AGBL1: variants seen among roughly 807,000 people sequenced by gnomAD.
AGBL1 encodes cytosolic carboxypeptidase 4.
A neutral mutation model predicts 118.9 loss-of-function variants in AGBL1; 130 were observed. The ratio of observed to expected loss-of-function variants is 1.09; its 90% confidence interval spans 0.95 to 1.26. The LOEUF is 1.26. AGBL1 is among the 50% of genes most tolerant of loss of function. The probability of loss-of-function intolerance (pLI) is 0.00; values close to 1 mark genes in which losing one functional copy is unlikely to be tolerated. For synonymous variants in AGBL1, 555 were observed against 478.9 expected, an observed-to-expected ratio of 1.16 and a Z score of -2.08; for missense variants, 1,584 against 1,298.1, an observed-to-expected ratio of 1.22 and a Z score of -3.38.
Position 86,397,426 on chromosome 15 carries a change from G to T in AGBL1, c.2435G>T (p.Trp812Leu), listed in dbSNP as rs202058432. 889 of 1,613,082 alleles carry T rather than the reference G, an allele frequency of 5.5e-4. No homozygotes were observed. Among genetic ancestry groups the T allele is most frequent in the Non-Finnish European group, 7.0e-4 (831 of 1,179,366 alleles). ...CATCCAGGAGAGAGCAATGCCAGTT[G>T]GGTGATGAAGGGTACCTTGGAGTTC... ...RVHPGESNAS[W>L]VMKGTLEFLV... is the part of the protein sequence containing the mutation. Residue 812 changes from tryptophan to leucine, a missense_variant, in exon 18 of 23, where the codon TGG becomes TTG. Trp to Leu is a moderately conservative substitution (Grantham distance 61). Transcript: ENST00000614907.
intron 18 of AGBL1, among the ~76,000 whole-genome samples, chr15:86,489,694 G>A (rs889367607): frequency 2.6e-5 from 4 of 152,070 alleles, no homozygotes; most frequent in African/African-American, 4.8e-5. Flanking sequence ...TGACAATAGC[G>A]GAGCTAACTA....
At chr15:86,551,310 T>C (rs1371744633) in intron 20 of AGBL1, among the ~76,000 whole-genome samples, 1 of 152,144 alleles carries the variant, frequency 6.6e-6, no homozygotes, top group African/African-American at 2.4e-5. Flanking sequence ...CATAATTTGA[T>C]TTCTTAAAAC....
At chr15:86,768,382 G>A (rs1274604872) in intron 22 of AGBL1, among the ~76,000 whole-genome samples, 2 of 151,896 alleles carry the variant, frequency 1.3e-5, no homozygotes, top group Non-Finnish European at 2.9e-5. Flanking sequence ...TAGCCCGCAA[G>A]CATGATCCAC....
intron 23 of AGBL1, among the ~76,000 whole-genome samples, chr15:86,926,998 G>T (rs1293164932): frequency 2.0e-5 from 3 of 152,020 alleles, no homozygotes; most frequent in Non-Finnish European, 4.4e-5. Flanking sequence ...CATTAGCCTG[G>T]TGTGGTGGTG....
chr15:86,427,823 TCTC>T (rs1202412728), intron 18 of AGBL1, among the ~76,000 whole-genome samples: 1 of 152,194 alleles, frequency 6.6e-6, no homozygotes, highest in African/African-American at 2.4e-5. Flanking sequence ...AGCTGTGTCT[TCTC>T]CAGGAATTAA....
At chr15:86,251,980 C>G (rs2078823784) in intron 7 of AGBL1, among the ~76,000 whole-genome samples, 1 of 152,182 alleles carries the variant, frequency 6.6e-6, no homozygotes, top group African/African-American at 2.4e-5. Flanking sequence ...TGAAAGGTTG[C>G]TAAAATTGGT....
rs2081387781 is a variant in AGBL1 at position 86,397,596 on chromosome 15, G to A, written c.2555+50G>A. The stretch of plus-strand genomic sequence containing the variant: ...AAACCCACAATTATGCTACCACAGT[G>A]ACACTGTCATTTCACCAAGTAGGCG... On this transcript the variant is annotated intron_variant, in intron 18 of 22. Coordinates refer to ENST00000614907, the MANE Select transcript of AGBL1 (RefSeq NM_001386094.1). The A allele has an allele frequency of 4.6e-6, 7 of 1,518,056 alleles. No individual in the cohort carries two copies. The East Asian group carries it at 1.1e-4, about 25-fold the overall frequency. The allele number at this position is 1,518,056 out of a possible 1,614,324, so 94.0% of individuals were successfully genotyped here.
chr15:86,193,074 G>A (rs1443311102), intron 5 of AGBL1, among the ~76,000 whole-genome samples: 2 of 151,978 alleles, frequency 1.3e-5, no homozygotes, highest in Non-Finnish European at 2.9e-5. Context: ...AGAAATGATA[G>A]CACCTTAATT....
At chr15:86,570,980 G>A (rs897570186) in intron 21 of AGBL1, among the ~76,000 whole-genome samples, 5 of 152,216 alleles carry the variant, frequency 3.3e-5, no homozygotes, top group African/African-American at 9.6e-5. Flanking sequence ...GCAGTTTGTG[G>A]TCTGGCCGTT....
chr15:86,851,308 C>G (rs1029275656), intron 22 of AGBL1, among the ~76,000 whole-genome samples: 4 of 152,114 alleles, frequency 2.6e-5, no homozygotes, highest in Non-Finnish European at 5.9e-5. Context: ...GGAACTGATT[C>G]TAGCTCAAAA....
intron 22 of AGBL1, among the ~76,000 whole-genome samples, chr15:86,687,354 T>G (rs887183386): frequency 7.2e-5 from 11 of 152,046 alleles, no homozygotes; most frequent in African/African-American, 2.7e-4. Flanking sequence ...GAAGAAGGTG[T>G]CTGGCTGAGG....
Position 86,770,539 on chromosome 15 carries a change from A to C in AGBL1, c.3158+96103A>C, listed in dbSNP as rs549321672. Among the ~76,000 whole-genome samples, 114 of 152,128 alleles carry C rather than the reference A, an allele frequency of 7.5e-4. No homozygotes were observed. The South Asian group carries it at 0.021, about 28-fold the overall frequency. Reference sequence around the variant, plus strand: ...CCCTACAATAGGGTAACCAAGCTGAACCAGAAATTAAGAAAGACACCGCAA... The same window carrying C: ...CCCTACAATAGGGTAACCAAGCTGACCCAGAAATTAAGAAAGACACCGCAA... On this transcript the variant is annotated intron_variant, in intron 22 of 22. Transcript: ENST00000614907.
chr15:86,552,403 G>C (rs1043814579), intron 20 of AGBL1, among the ~76,000 whole-genome samples: 3 of 152,204 alleles, frequency 2.0e-5, no homozygotes, highest in Non-Finnish European at 2.9e-5. Context: ...CTTAAACAAT[G>C]TAAGAGTAAA....
intron 23 of AGBL1, among the ~76,000 whole-genome samples, chr15:86,969,878 G>C (rs1187143333): frequency 6.6e-6 from 1 of 151,852 alleles, no homozygotes; most frequent in African/African-American, 2.4e-5. Flanking sequence ...GAGGAATGTG[G>C]GAAGAACACA....
chr15:86,396,397 C>G (rs909637074), intron 17 of AGBL1, among the ~76,000 whole-genome samples: 4 of 151,974 alleles, frequency 2.6e-5, no homozygotes, highest in African/African-American at 7.3e-5. Flanking sequence ...CTATCTTTCC[C>G]TCATCAGCAC....
Position 86,279,790 on chromosome 15 carries a change from TC to T in AGBL1, c.2220+9del. 6.2e-7 allele frequency: 1 copy of T among 1,613,426 alleles called. No homozygotes were observed. The highest frequency in any genetic ancestry group is 1.7e-5 in the Admixed American group (1 of 60,016). On this transcript the variant is annotated splice_region_variant and intron_variant, in intron 16 of 22. Coordinates refer to ENST00000614907, the MANE Select transcript of AGBL1 (RefSeq NM_001386094.1). ...TACCTACACAGCCCTCATGGTAACT[TC>T]CTCTTTATAGCATCACTCCAGCAGG...
At chr15:86,218,356 G>A (rs1474906501) in intron 5 of AGBL1, among the ~76,000 whole-genome samples, 2 of 152,164 alleles carry the variant, frequency 1.3e-5, no homozygotes, top group African/African-American at 4.8e-5. Context: ...CGTCTGGGGA[G>A]GGTCAAGTCT....
chr15:86,485,277 G>A (rs910520783), intron 18 of AGBL1, among the ~76,000 whole-genome samples: 6 of 152,110 alleles, frequency 3.9e-5, no homozygotes, highest in African/African-American at 7.2e-5. Flanking sequence ...AGTGATCTTC[G>A]TGCAAAGTTT....
intron 23 of AGBL1, among the ~76,000 whole-genome samples, chr15:86,987,268 A>G (rs1254029133): frequency 6.6e-6 from 1 of 152,162 alleles, no homozygotes; most frequent in Non-Finnish European, 1.5e-5. Context: ...AGTTGACATC[A>G]TTGTCAGTGG....
Sources: gnomAD v4.1 joint callset for allele counts (sites outside exome capture counted in the v4.1 genomes callset) on GRCh38, gnomAD v4.1.1 for gene constraint, MANE v1.5 for transcripts, NCBI Gene and HGNC (gene_info 2026-07-23, HGNC 2026-07-21) for gene names.